The following TEX9 variants were observed in gnomAD, a reference collection of about 807,000 sequenced individuals.
TEX9 encodes the protein testis expressed 9.
Under a neutral mutation model 59.6 loss-of-function variants are expected in TEX9, and 74 were observed. The observed-to-expected ratio is 1.24, with a 90% CI of 1.03 to 1.51. TEX9 has a LOEUF of 1.51. Among genes scored for constraint, TEX9 ranks in the 40% most tolerant of loss-of-function variants. TEX9 has a pLI of 0.00. For missense variants in TEX9, 522 were observed against 447.8 expected, an observed-to-expected ratio of 1.17 and a Z score of -1.49; for synonymous variants, 186 against 152.2, an observed-to-expected ratio of 1.22 and a Z score of -1.64.
At chr15:56,300,710 A>AGAGAGG (rs1567077618) in intron 1 of TEX9, among the ~76,000 whole-genome samples, 6 of 37,152 alleles carry the variant, frequency 1.6e-4, no homozygotes, top group African/African-American at 3.7e-4. Context: ...AGAGAGAGGG[A>AGAGAGG]GAGAGAGAGA....
rs1360149430 is a variant in TEX9, at chr15:56,287,113, C to T, written c.-107+42835C>T. 7.2e-5 allele frequency among the ~76,000 whole-genome samples: 11 copies of T among 152,004 alleles called. 1 individual carries two copies. The East Asian group carries it at 1.7e-3, about 24-fold the overall frequency. ...CCAAGTTTTCAATAAATGAAATAAA[C>T]GTTATGTCAATAGGAGAACTATGAA... On this transcript the variant is annotated intron_variant, in intron 1 of 5. Coordinates refer to the TEX9 transcript ENST00000560827.
chr15:56,257,112 A>G lies in TEX9; in HGVS notation c.-107+12834A>G, dbSNP rs139677147. 3.5e-3 allele frequency among the ~76,000 whole-genome samples: 535 copies of G among 152,242 alleles called. 5 individuals are homozygous for G. Among genetic ancestry groups the G allele is most frequent in the African/African-American group, 0.011 (470 of 41,570 alleles). On this transcript the variant is annotated intron_variant, in intron 1 of 5. Transcript: ENST00000560827. ...CTCCATCCATGTCCCAGCAAAGGAC[A>G]TGATCTCATTCTTTTTGTTGGTTAC... is the stretch of plus-strand genomic sequence containing the variant.
chr15:56,341,453 C>T (rs1344060028), intron 1 of TEX9, among the ~76,000 whole-genome samples: 1 of 152,148 alleles, frequency 6.6e-6, no homozygotes, highest in Admixed American at 6.6e-5. Flanking sequence ...TGACAGCTGG[C>T]CAGCGGTGAG....
chr15:56,260,031 A>T (rs2044228120), intron 1 of TEX9, among the ~76,000 whole-genome samples: 2 of 152,082 alleles, frequency 1.3e-5, no homozygotes, highest in Non-Finnish European at 2.9e-5. Flanking sequence ...ATTGTTTAAA[A>T]TTTTTTATTT....
At chr15:56,333,976 A>G (rs1485856685) in intron 1 of TEX9, among the ~76,000 whole-genome samples, 1 of 152,188 alleles carries the variant, frequency 6.6e-6, no homozygotes, top group Non-Finnish European at 1.5e-5. Context: ...AGACCTCTAC[A>G]GTGAAAATTG....
chr15:56,456,658 T>C, the TEX9 span: 13 of 898,044 alleles, frequency 1.4e-5, no homozygotes, highest in Admixed American at 3.2e-5. Flanking sequence ...ATACAAAATG[T>C]TGTTTCAATA....
Position 56,282,388 on chromosome 15 carries a change from T to C in TEX9, c.-107+38110T>C, listed in dbSNP as rs1307244241. Among the ~76,000 whole-genome samples the C allele has an allele frequency of 2.0e-5, 3 of 152,108 alleles. No individual in the cohort carries two copies. In the East Asian group the frequency reaches 5.8e-4, roughly 29 times the overall value. On this transcript the variant is annotated intron_variant, in intron 1 of 5. Coordinates refer to the TEX9 transcript ENST00000560827. The stretch of plus-strand genomic sequence containing the variant: ...GTACTTGTTTCAAACCCCCAGTAGA[T>C]AGCATATTTTAAAGTAAAACCCAAA...
At chr15:56,244,321 C>T (rs1254541262) in intron 1 of TEX9, 1 of 152,272 alleles carries the variant, frequency 6.6e-6, no homozygotes, top group African/African-American at 2.4e-5. Flanking sequence ...CAAAGAAGAA[C>T]ACCCGTTGGA....
At chr15:56,434,604 T>C (rs11630363) in intron 12 of TEX9, among the ~76,000 whole-genome samples, 55,776 of 151,982 alleles carry the variant, frequency 0.37, 11,137 homozygotes, top group Non-Finnish European at 0.45. Flanking sequence ...CTGTTACTCA[T>C]GAACAAATTT....
At chr15:56,444,702 G>C (rs756954070) in intron 12 of TEX9, 1 of 1,565,810 alleles carries the variant, frequency 6.4e-7, no homozygotes, top group South Asian at 1.1e-5. Context: ...TGATCTTTCC[G>C]TTTTCAAATT....
intron 3 of TEX9, among the ~76,000 whole-genome samples, chr15:56,375,640 T>C (rs1310280041): frequency 6.6e-6 from 1 of 152,246 alleles, no homozygotes; most frequent in South Asian, 2.1e-4. Context: ...AGGGTTTTTA[T>C]GGTTTTAGGT....
intron 7 of TEX9, among the ~76,000 whole-genome samples, chr15:56,391,953 A>G (rs1334816419): frequency 1.3e-5 from 2 of 152,158 alleles, no homozygotes; most frequent in Non-Finnish European, 2.9e-5. Flanking sequence ...GCATATCACT[A>G]GAATAATAAT....
chr15:56,394,778 G>A (rs2048377472), exon 9 of TEX9: 8 of 1,612,868 alleles, frequency 5.0e-6, no homozygotes, highest in Middle Eastern at 1.6e-4. Context: ...AACTCTTTTC[G>A]AAGAAGCAAA....
intron 12 of TEX9, chr15:56,444,501 A>C: frequency 6.2e-7 from 1 of 1,611,024 alleles, no homozygotes; most frequent in Non-Finnish European, 8.5e-7. Flanking sequence ...TTTCTCTTTT[A>C]GCAGCTGCTC....
intron 1 of TEX9, among the ~76,000 whole-genome samples, chr15:56,309,122 A>G (rs1275555889): frequency 1.3e-5 from 2 of 152,182 alleles, no homozygotes; most frequent in African/African-American, 2.4e-5. Context: ...TTGAATCTGC[A>G]GATCATTTGG....
intron 1 of TEX9, among the ~76,000 whole-genome samples, chr15:56,258,590 C>G (rs1424668936): frequency 6.6e-6 from 1 of 151,916 alleles, no homozygotes; most frequent in Non-Finnish European, 1.5e-5. Flanking sequence ...CTTGGCTTGC[C>G]TGTTTTTGGT....
chr15:56,372,065 A>G (rs1182327823), intron 2 of TEX9, among the ~76,000 whole-genome samples: 12 of 152,138 alleles, frequency 7.9e-5, no homozygotes, highest in Non-Finnish European at 1.3e-4. Context: ...TATTTCCTCC[A>G]TTACATTTTA....
At chr15:56,413,106 A>G (rs1052515347) in intron 10 of TEX9, among the ~76,000 whole-genome samples, 33 of 136,890 alleles carry the variant, frequency 2.4e-4, no homozygotes, top group African/African-American at 8.2e-4. Flanking sequence ...TTCTATAAAT[A>G]TTGGTTACTT....
chr15:56,457,141 T>C, the TEX9 span, among the ~76,000 whole-genome samples: 1 of 152,156 alleles, frequency 6.6e-6, no homozygotes, highest in African/African-American at 2.4e-5. Flanking sequence ...CTACACACAT[T>C]TTTCCCCCAA....
Sources: gnomAD v4.1 joint callset for allele counts (sites outside exome capture counted in the v4.1 genomes callset) on GRCh38, gnomAD v4.1.1 for gene constraint, MANE v1.5 for transcripts, NCBI Gene and HGNC (gene_info 2026-07-23, HGNC 2026-07-21) for gene names.